Variants in NAA11 observed in about 807,000 individuals in gnomAD.
NAA11 encodes N-alpha-acetyltransferase 11.
Under a neutral mutation model 16.1 loss-of-function variants are expected in NAA11, and 15 were observed. That is an observed-to-expected ratio of 0.93 (90% CI 0.62 to 1.44). NAA11 has a LOEUF of 1.44. Ranked by LOEUF, NAA11 falls within the 40% of genes most tolerant of loss-of-function variation. The pLI is 0.00. For synonymous variants in NAA11, 122 were observed against 112.4 expected (o/e 1.09, Z -0.54); for missense variants, 298 against 291.3 (o/e 1.02, Z -0.17).
chr4:79,304,757 A>G (rs1014374669), intron 1 of NAA11, among the ~76,000 whole-genome samples: 1 of 152,134 alleles, frequency 6.6e-6, no homozygotes, highest in Non-Finnish European at 1.5e-5. Flanking sequence ...AAACACTTGA[A>G]TCTAGGTAAT....
chr4:79,280,852 A>T (rs529421000), intron 2 of NAA11, among the ~76,000 whole-genome samples: 1 of 152,040 alleles, frequency 6.6e-6, no homozygotes, highest in East Asian at 1.9e-4. Context: ...AATATAAAGA[A>T]AGTTATAGGG....
chr4:79,273,673 G>A (rs1168201167), intron 2 of NAA11, among the ~76,000 whole-genome samples: 1 of 152,018 alleles, frequency 6.6e-6, no homozygotes, highest in East Asian at 1.9e-4. Context: ...TTGTATCCAA[G>A]CATATGACCA....
chr4:79,188,959 C>T, the NAA11 span, among the ~76,000 whole-genome samples: 1 of 151,630 alleles, frequency 6.6e-6, no homozygotes, highest in Non-Finnish European at 1.5e-5. Flanking sequence ...GGGCCGAGCG[C>T]AGTGGCTCAC....
At chr4:79,184,362 CAAAT>C in the NAA11 span, among the ~76,000 whole-genome samples, 11 of 152,002 alleles carry the variant, frequency 7.2e-5, no homozygotes, top group South Asian at 2.1e-4. Flanking sequence ...CTAGAGGAAA[CAAAT>C]AAAATCACTA....
At chr4:79,272,106 T>TAC (rs942126123) in intron 2 of NAA11, among the ~76,000 whole-genome samples, 12 of 152,054 alleles carry the variant, frequency 7.9e-5, no homozygotes, top group African/African-American at 2.6e-4. Context: ...TGTGTATATA[T>TAC]ACATATATAC....
chr4:79,250,994 AAAAG>A (rs1164774975), intron 2 of NAA11, among the ~76,000 whole-genome samples: 1 of 152,258 alleles, frequency 6.6e-6, no homozygotes, highest in Non-Finnish European at 1.5e-5. Flanking sequence ...TTTGCAGAGA[AAAAG>A]AAACACTTAT....
intron 2 of NAA11, among the ~76,000 whole-genome samples, chr4:79,265,575 C>T (rs1722327999): frequency 6.6e-6 from 1 of 152,200 alleles, no homozygotes; most frequent in African/African-American, 2.4e-5. Flanking sequence ...CATTGCACTC[C>T]TGCCTCAAGG....
the NAA11 span, among the ~76,000 whole-genome samples, chr4:79,170,160 G>A: frequency 1.8e-4 from 28 of 152,262 alleles, no homozygotes; most frequent in Non-Finnish European, 3.7e-4. Context: ...AGCTTCATGC[G>A]CATGGGATTT....
In NAA11 at chr4:79,277,182, G is replaced by A. The variant is rs572983328; in HGVS notation, c.*122+16823C>T. The stretch of plus-strand genomic sequence containing the variant: ...CCAATGAGTTAGCCAGCAACTCAAG[G>A]GTAAATGACCCCTTTACAGGATGGC... On this transcript the variant is annotated intron_variant and NMD_transcript_variant, in intron 2 of 2. Coordinates refer to the NAA11 transcript ENST00000511542. Among the ~76,000 whole-genome samples, 9 of 152,218 alleles carry A rather than the reference G, an allele frequency of 5.9e-5. No homozygotes were observed. The South Asian group carries it at 1.2e-3, about 21-fold the overall frequency.
chr4:79,163,161 T>A, the NAA11 span, among the ~76,000 whole-genome samples: 2 of 152,082 alleles, frequency 1.3e-5, no homozygotes, highest in African/African-American at 2.4e-5. Flanking sequence ...GAATACAACA[T>A]GAATGGTGTC....
intron 2 of NAA11, among the ~76,000 whole-genome samples, chr4:79,226,454 G>C (rs1179291245): frequency 6.6e-6 from 1 of 151,974 alleles, no homozygotes; most frequent in Non-Finnish European, 1.5e-5. Flanking sequence ...TATACTTTAA[G>C]TTCTAGGGTA....
chr4:79,274,698 G>C (rs1326109313), intron 2 of NAA11, among the ~76,000 whole-genome samples: 3 of 151,964 alleles, frequency 2.0e-5, no homozygotes, highest in African/African-American at 7.2e-5. Flanking sequence ...AAGGTGCTTG[G>C]AACAGTGCAT....
intron 2 of NAA11, among the ~76,000 whole-genome samples, chr4:79,256,651 A>AT (rs1722113513): frequency 5.4e-5 from 7 of 130,712 alleles, no homozygotes; most frequent in African/African-American, 2.2e-4. Context: ...TATAAATATA[A>AT]ATATATATAT....
At chr4:79,177,106 T>C in the NAA11 span, among the ~76,000 whole-genome samples, 1 of 152,140 alleles carries the variant, frequency 6.6e-6, no homozygotes, top group Non-Finnish European at 1.5e-5. Flanking sequence ...TTTTTTGAAA[T>C]TATAAAATAT....
In NAA11 at chr4:79,325,413, T is replaced by G. The variant is rs748871704; in HGVS notation, c.465A>C (p.Ala155=). ...GGTCCATTTGTCGTCTCAGCTCATC[T>G]GCCATCTGCGAGAGATCCCGCTTCA... The part of the protein sequence containing the change: ...YAMKRDLSQM[A]DELRRQMDLK... Residue 155 remains alanine (A), a synonymous_variant, in exon 1 of 2, where the codon GCA becomes GCC. Transcript: ENST00000286794. 1 of 1,614,246 alleles carries G rather than the reference T, an allele frequency of 6.2e-7. No individual in the cohort carries two copies. Among genetic ancestry groups the G allele is most frequent in the Non-Finnish European group, 8.5e-7 (1 of 1,180,046 alleles).
intron 1 of NAA11, among the ~76,000 whole-genome samples, chr4:79,297,833 G>GT (rs1723267244): frequency 6.6e-6 from 1 of 152,160 alleles, no homozygotes; most frequent in Non-Finnish European, 1.5e-5. Context: ...AAGGGGGTGG[G>GT]TCCCTGTTGA....
chr4:79,231,156 T>G (rs1578152607), intron 2 of NAA11, among the ~76,000 whole-genome samples: 2 of 152,064 alleles, frequency 1.3e-5, no homozygotes, highest in East Asian at 3.9e-4. Flanking sequence ...TTAAATGGCT[T>G]CTTCAATACT....
chr4:79,193,742 G>C, the NAA11 span, among the ~76,000 whole-genome samples: 1 of 152,112 alleles, frequency 6.6e-6, no homozygotes, highest in African/African-American at 2.4e-5. Flanking sequence ...CTTTAAAATA[G>C]TTTTTTCCAA....
At chr4:79,264,591 G>T (rs754058953) in intron 2 of NAA11, among the ~76,000 whole-genome samples, 4 of 152,104 alleles carry the variant, frequency 2.6e-5, no homozygotes, top group Non-Finnish European at 4.4e-5. Flanking sequence ...GCTCACCAGC[G>T]ATCTTCACAC....
Sources: gnomAD v4.1 joint callset for allele counts (sites outside exome capture counted in the v4.1 genomes callset) on GRCh38, gnomAD v4.1.1 for gene constraint, MANE v1.5 for transcripts, NCBI Gene and HGNC (gene_info 2026-07-23, HGNC 2026-07-21) for gene names.